ITIH5: variants seen among roughly 807,000 people sequenced by gnomAD.
ITIH5 encodes inter-alpha-trypsin inhibitor heavy chain 5.
Under a neutral mutation model 77.5 loss-of-function variants are expected in ITIH5, and 65 were observed. That is an observed-to-expected ratio of 0.84 (90% CI 0.69 to 1.03). The LOEUF (loss-of-function observed/expected upper bound fraction) is 1.03. Among genes scored for constraint, ITIH5 ranks in the 50% least tolerant of loss-of-function variants. ITIH5 has a pLI of 0.00. For missense variants in ITIH5, 1,208 were observed against 1,213.1 expected, an observed-to-expected ratio of 1.00 and a Z score of 0.06; for synonymous variants, 525 against 494.3, an observed-to-expected ratio of 1.06 and a Z score of -0.82.
chr10:7,644,863 C>CATATATATCACATATATATATCACAT (rs374497716), intron 2 of ITIH5, among the ~76,000 whole-genome samples: 4 of 117,366 alleles, frequency 3.4e-5, no homozygotes, highest in African/African-American at 1.5e-4. Context: ...ATATGTATCA[C>CATATATATCACATATATATATCACAT]ATATATATCA....
intron 1 of ITIH5, among the ~76,000 whole-genome samples, chr10:7,657,938 C>T (rs1411335037): frequency 6.6e-5 from 10 of 152,164 alleles, no homozygotes; most frequent in Admixed American, 6.5e-4. Context: ...ACTGCTGACC[C>T]AAGATGGACA....
intron 2 of ITIH5, among the ~76,000 whole-genome samples, chr10:7,644,606 C>CATATATATCACATATATCAT (rs1564277689): frequency 7.5e-5 from 8 of 106,472 alleles, no homozygotes; most frequent in East Asian, 2.6e-4. Context: ...ATACATATCA[C>CATATATATCACATATATCAT]ATATATCACA....
At chr10:7,642,956 C>G (rs1204246382) in intron 2 of ITIH5, among the ~76,000 whole-genome samples, 1 of 152,146 alleles carries the variant, frequency 6.6e-6, no homozygotes, top group Non-Finnish European at 1.5e-5. Flanking sequence ...TGTTGAAGCC[C>G]TAACCTACTA....
chr10:7,644,810 CAT>C (rs1156604777), intron 2 of ITIH5, among the ~76,000 whole-genome samples: 14 of 121,280 alleles, frequency 1.2e-4, no homozygotes, highest in East Asian at 2.7e-4. Flanking sequence ...ATATATATCA[CAT>C]ATATATCATA....
At chr10:7,565,400 C>A (rs1765176261) in intron 13 of ITIH5, among the ~76,000 whole-genome samples, 5 of 147,134 alleles carry the variant, frequency 3.4e-5, no homozygotes, top group African/African-American at 1.0e-4. Flanking sequence ...ACATATCATG[C>A]ACACATACAT....
chr10:7,586,456 G>A (rs885548), intron 7 of ITIH5, among the ~76,000 whole-genome samples: 44,436 of 151,966 alleles, frequency 0.29, 6,868 homozygotes, highest in East Asian at 0.49. Flanking sequence ...AAATTTTTCT[G>A]ACTTCTCTGA....
At chr10:7,615,071 AC>A (rs1833337229) in intron 7 of ITIH5, among the ~76,000 whole-genome samples, 4 of 152,014 alleles carry the variant, frequency 2.6e-5, no homozygotes, top group Admixed American at 2.6e-4. Context: ...ACATGATGAA[AC>A]CCTGTCTCTA....
chr10:7,630,302 T>G (rs1305784784), intron 5 of ITIH5, among the ~76,000 whole-genome samples: 1 of 152,208 alleles, frequency 6.6e-6, no homozygotes, highest in African/African-American at 2.4e-5. Context: ...GTTATGACAG[T>G]GATATTAGGT....
At chr10:7,656,896 A>T (rs1834193840) in intron 1 of ITIH5, among the ~76,000 whole-genome samples, 1 of 151,658 alleles carries the variant, frequency 6.6e-6, no homozygotes, top group Non-Finnish European at 1.5e-5. Flanking sequence ...GGTGCCTGCC[A>T]CTACGCCCCG....
intron 11 of ITIH5, chr10:7,572,030 T>C: frequency 8.9e-6 from 9 of 1,012,850 alleles, no homozygotes; most frequent in Non-Finnish European, 1.1e-5. Flanking sequence ...AAGATAGTGC[T>C]TGCTCCAAAA....
At chr10:7,648,721 G>A (rs1317976686) in intron 2 of ITIH5, among the ~76,000 whole-genome samples, 1 of 152,054 alleles carries the variant, frequency 6.6e-6, no homozygotes, top group Non-Finnish European at 1.5e-5. Context: ...ATGGTGATTT[G>A]TTCTTATTTA....
In ITIH5 at chr10:7,637,385, C is replaced by A. The variant is rs769569178; in HGVS notation, c.495G>T (p.Arg165Ser). The change falls in exon 5 of 14, where the codon AGG becomes AGT. Residue 165 changes from arginine (R) to serine (S), a missense_variant. Coordinates refer to ENST00000397146, the MANE Select transcript of ITIH5 (RefSeq NM_030569.7). The part of the protein sequence containing the change: ...FFLSYEELLQ[R>S]RLGKYEHSIS... ...TGCTGTGCTCGTACTTGCCCAGGCG[C>A]CTCTGCAGAAGCTCCTCATAACTCA... The A allele has an allele frequency of 6.2e-7, 1 of 1,614,230 alleles. No homozygotes were observed. The highest frequency in any genetic ancestry group is 8.5e-7 in the Non-Finnish European group (1 of 1,180,034).
At chr10:7,598,953 T>C (rs1164919347) in intron 7 of ITIH5, among the ~76,000 whole-genome samples, 1 of 152,254 alleles carries the variant, frequency 6.6e-6, no homozygotes, top group Non-Finnish European at 1.5e-5. Flanking sequence ...AGAAGCGAAC[T>C]GTCTCATCTT....
At chr10:7,564,367 T>C (rs771118480) in intron 13 of ITIH5, among the ~76,000 whole-genome samples, 1 of 152,236 alleles carries the variant, frequency 6.6e-6, no homozygotes, top group Admixed American at 6.5e-5. Flanking sequence ...GTTACATATA[T>C]AGTCATGCAC....
chr10:7,630,477 T>A (rs181722432), intron 5 of ITIH5, among the ~76,000 whole-genome samples: 23 of 152,328 alleles, frequency 1.5e-4, no homozygotes, highest in Non-Finnish European at 2.8e-4. Flanking sequence ...TTCCACATCT[T>A]CCCCAAGGCT....
In ITIH5 at chr10:7,617,272, C is replaced by A; in HGVS notation, c.663G>T (p.Gly221=). 1 of 1,553,832 alleles carries A rather than the reference C, an allele frequency of 6.4e-7. No homozygotes were observed. Among genetic ancestry groups the A allele is most frequent in the Non-Finnish European group, 8.7e-7 (1 of 1,154,990 alleles). ...GGTTAATGACAGTAGATGGGGGAGG[C>A]CCAGAATCATCTGCAAACAAGATAG... is the stretch of plus-strand genomic sequence containing the variant. ...RGSGRGEDDS[G]PPPSTVINQN... is the part of the protein sequence containing the mutation. Residue 221 remains glycine, a synonymous_variant, in exon 6 of 14, where the codon GGG becomes GGT. Coordinates refer to ENST00000397146, the MANE Select transcript of ITIH5 (RefSeq NM_030569.7).
intron 2 of ITIH5, among the ~76,000 whole-genome samples, chr10:7,649,178 CT>C (rs1261831371): frequency 6.6e-6 from 1 of 151,982 alleles, no homozygotes; most frequent in African/African-American, 2.4e-5. Flanking sequence ...TCCCCTTCCC[CT>C]TCCCTTCTCC....
chr10:7,659,923 CT>C (rs1000102931), intron 1 of ITIH5, among the ~76,000 whole-genome samples: 1 of 152,132 alleles, frequency 6.6e-6, no homozygotes, highest in African/African-American at 2.4e-5. Flanking sequence ...TTCCCGGTGC[CT>C]TTTAAGAAAC....
At chr10:7,596,924 G>A (rs978637848) in intron 7 of ITIH5, among the ~76,000 whole-genome samples, 3 of 151,566 alleles carry the variant, frequency 2.0e-5, no homozygotes, top group Non-Finnish European at 4.4e-5. Context: ...GTGCATGCCT[G>A]TAATCCCAGC....
Sources: allele counts gnomAD v4.1 joint callset (sites outside exome capture counted in the v4.1 genomes callset), GRCh38; gene constraint gnomAD v4.1.1; transcripts MANE v1.5; gene names NCBI Gene and HGNC (gene_info 2026-07-23, HGNC 2026-07-21).